The following ALG11 variants were observed in gnomAD, a reference collection of about 807,000 sequenced individuals.
The protein encoded by ALG11 is ALG11 alpha-1,2-mannosyltransferase.
In ALG11, 26 loss-of-function variants were observed where a neutral mutation model predicts 38.8. The observed-to-expected ratio is 0.67, with a 90% CI of 0.49 to 0.93. The LOEUF is 0.93. ALG11 is among the 40% of genes least tolerant of loss of function. The pLI, the probability that ALG11 is intolerant of heterozygous loss-of-function variation, is 0.00. For synonymous variants in ALG11, 199 were observed against 211.6 expected (o/e 0.94, Z 0.52); for missense variants, 535 against 578.8 (o/e 0.92, Z 0.78).
At chr13:52,020,876 T>A (rs1329317647) in intron 2 of ALG11, 1 of 152,248 alleles carries the variant, frequency 6.6e-6, no homozygotes, top group Admixed American at 6.5e-5. Flanking sequence ...ATAACCTTTT[T>A]CTCCCCAGTT....
chr13:52,033,311 A>C lies in ALG11; in HGVS notation c.*4721A>C, dbSNP rs1451934934. On this transcript the variant is annotated 3_prime_UTR_variant, in exon 4 of 4. Coordinates refer to ENST00000521508, the MANE Select transcript of ALG11 (RefSeq NM_001004127.3). Reference sequence around the variant, plus strand: ...CACAGCAGTGGAGATTTGTATTCTTATTTACAGTTGTGTACTATAAAGTGT... The same window carrying C: ...CACAGCAGTGGAGATTTGTATTCTTCTTTACAGTTGTGTACTATAAAGTGT... The C allele has an allele frequency of 6.0e-6, 1 of 166,996 alleles. No individual in the cohort carries two copies. The highest frequency in any genetic ancestry group is 1.5e-5 in the Non-Finnish European group (1 of 68,098). 10.3% of individuals were successfully genotyped at this position (166,996 alleles called of 1,614,324 possible). A position where few individuals can be genotyped will look rare whatever the true frequency, so the allele number is the denominator to read the frequency against.
At chr13:52,022,866 T>C (rs1268403177) in intron 2 of ALG11, 1 of 152,296 alleles carries the variant, frequency 6.6e-6, no homozygotes, top group African/African-American at 2.4e-5. Context: ...ACCACACATA[T>C]TGGTCAGGCT....
In ALG11 at chr13:52,012,480, T is replaced by C; in HGVS notation, c.44+18T>C. On this transcript the variant is annotated intron_variant, in intron 1 of 3. Transcript: ENST00000521508. ...TTGTTGAGGTGAGCAGCCGGTCGTG[T>C]GGGCTCACAGACGTTTTCTCTTCTG... The C allele has an allele frequency of 6.2e-7, 1 of 1,614,084 alleles. No individual in the cohort carries two copies. Among genetic ancestry groups the C allele is most frequent in the Non-Finnish European group, 8.5e-7 (1 of 1,180,042 alleles).
chr13:52,024,742 A>C lies in ALG11; in HGVS notation c.1012A>C (p.Lys338Gln). The change falls in exon 3 of 4, where the codon AAA (lysine) becomes CAA (glutamine). Residue 338 changes from lysine (K) to glutamine (Q), a missense_variant. Coordinates refer to ENST00000521508, the MANE Select transcript of ALG11 (RefSeq NM_001004127.3). Reference sequence around the variant, plus strand: ...GATGGTTGAGTCACCTCCTTCGCTTAAACTTGTCCTCATTGGAGGTTGTCG... The same window carrying C: ...GATGGTTGAGTCACCTCCTTCGCTTCAACTTGTCCTCATTGGAGGTTGTCG... ...KKMVESPPSL[K>Q]LVLIGGCRNK... 1.2e-6 allele frequency: 2 copies of C among 1,614,244 alleles called. No homozygotes were observed. Among genetic ancestry groups the C allele is most frequent in the South Asian group, 1.1e-5 (1 of 91,084 alleles).
In ALG11 at chr13:52,019,152, C is replaced by T; in HGVS notation, c.275+9C>T. The T allele has an allele frequency of 2.5e-6, 4 of 1,601,860 alleles. No individual in the cohort carries two copies. The highest frequency in any genetic ancestry group is 3.4e-6 in the Non-Finnish European group (4 of 1,169,426). On this transcript the variant is annotated intron_variant, in intron 2 of 3. Coordinates refer to ENST00000521508, the MANE Select transcript of ALG11 (RefSeq NM_001004127.3). ...AGAGCCCTGCAGAAAAAGTAGGTAT[C>T]CATCTTTCTTAGCTAATTTGCTATA...
Position 52,030,251 on chromosome 13 carries a change from C to T in ALG11, c.*1661C>T. The T allele has an allele frequency of 3.7e-6, 6 of 1,614,162 alleles. No homozygotes were observed. Among genetic ancestry groups the T allele is most frequent in the African/African-American group, 1.3e-5 (1 of 75,034 alleles). ...AAAAGCAAGTTCAGAGGGGACTGTT[C>T]CCCAGGTCCAGAGAGAGGAACCTGC... On this transcript the variant is annotated 3_prime_UTR_variant, in exon 4 of 4. Transcript: ENST00000521508.
At position 52,031,020 on chromosome 13, in the gene ALG11, A is replaced by T. The variant is rs775711132; in HGVS notation, c.*2430A>T. 3 of 1,614,074 alleles carry T rather than the reference A, an allele frequency of 1.9e-6. No individual in the cohort carries two copies. Among genetic ancestry groups the T allele is most frequent in the South Asian group, 1.1e-5 (1 of 91,092 alleles). On this transcript the variant is annotated 3_prime_UTR_variant, in exon 4 of 4. Coordinates refer to ENST00000521508, the MANE Select transcript of ALG11 (RefSeq NM_001004127.3). ...ATAAAAGCAGAGGATGTGGGCTACC[A>T]GTCTTCCTCAAGGTCAGACCTGCCT...
chr13:52,031,159 C>T lies in ALG11; in HGVS notation c.*2569C>T. 1 of 1,558,996 alleles carries T rather than the reference C, an allele frequency of 6.4e-7. No individual in the cohort carries two copies. Among genetic ancestry groups the T allele is most frequent in the Non-Finnish European group, 8.7e-7 (1 of 1,153,644 alleles). ...GGGCCCTGATTCCACTTCCTTTGGT[C>T]CAGTTTTACTCTGCTACAGGGTGGA... On this transcript the variant is annotated 3_prime_UTR_variant, in exon 4 of 4. Coordinates refer to ENST00000521508, the MANE Select transcript of ALG11 (RefSeq NM_001004127.3).
intron 2 of ALG11, among the ~76,000 whole-genome samples, chr13:52,019,502 T>G (rs1954167206): frequency 6.6e-6 from 1 of 152,196 alleles, no homozygotes; most frequent in Non-Finnish European, 1.5e-5. Flanking sequence ...ATTACAGGTG[T>G]GAGCCACCGT....
rs766878374 is a variant in ALG11 at position 52,029,736 on chromosome 13, T to C, written c.*1146T>C. ...AAATGGGCCAAGTCAAAGGCAATTA[T>C]GGCCAAATATGACCTGGAGGCTCGC... On this transcript the variant is annotated 3_prime_UTR_variant, in exon 4 of 4. Transcript: ENST00000521508. The C allele has an allele frequency of 1.1e-5, 17 of 1,614,084 alleles. No homozygotes were observed. The highest frequency in any genetic ancestry group is 1.7e-5 in the Admixed American group (1 of 60,000).
In ALG11 at chr13:52,033,060, T is replaced by G. The variant is rs1262889721; in HGVS notation, c.*4470T>G. On this transcript the variant is annotated 3_prime_UTR_variant, in exon 4 of 4. Coordinates refer to ENST00000521508, the MANE Select transcript of ALG11 (RefSeq NM_001004127.3). ...ATATTTTAAGCTTATTTCTTCAAAATTATTTTCATATATCACAGATATATC... is the reference window on the plus strand; with the variant it reads ...ATATTTTAAGCTTATTTCTTCAAAAGTATTTTCATATATCACAGATATATC... The G allele has an allele frequency of 6.0e-6, 1 of 167,140 alleles. No homozygotes were observed. The highest frequency in any genetic ancestry group is 1.9e-4 in the East Asian group (1 of 5,208). The allele number at this position is 167,140 out of a possible 1,614,324, so 10.4% of individuals were successfully genotyped here. A position where few individuals can be genotyped will look rare whatever the true frequency, so the allele number is the denominator to read the frequency against.
intron 1 of ALG11, among the ~76,000 whole-genome samples, chr13:52,018,399 G>T (rs1173613007): frequency 6.6e-6 from 1 of 152,198 alleles, no homozygotes; most frequent in South Asian, 2.1e-4. Flanking sequence ...GGAAATAGAA[G>T]TGGAGAAATC....
rs1954221633 is a variant in ALG11 at position 52,024,649 on chromosome 13, G to A, written c.919G>A (p.Gly307Ser). 1 of 1,613,808 alleles carries A rather than the reference G, an allele frequency of 6.2e-7. No individual in the cohort carries two copies. Among genetic ancestry groups the A allele is most frequent in the Admixed American group, 1.7e-5 (1 of 59,976 alleles). ...CCCAGGACATTTGCTGGTTTCTGTT[G>A]GCCAGTTTAGGCCGGAAAAGAATCA... ...MTPGHLLVSVGQFRPEKNHPL... is the reference protein window; with the variant it reads ...MTPGHLLVSVSQFRPEKNHPL... The change falls in exon 3 of 4, where the codon GGC becomes AGC. Residue 307 changes from glycine (G) to serine (S), a missense_variant. Transcript: ENST00000521508.
chr13:52,025,453 A>G (rs914736315), intron 3 of ALG11, among the ~76,000 whole-genome samples: 1 of 152,204 alleles, frequency 6.6e-6, no homozygotes, highest in African/African-American at 2.4e-5. Context: ...AGGTAGATGT[A>G]TTTTGATAAT....
At chr13:52,017,827 T>C (rs1457374452) in intron 1 of ALG11, 1 of 152,362 alleles carries the variant, frequency 6.6e-6, no homozygotes, top group Admixed American at 6.5e-5. Context: ...CCCAGTCTGC[T>C]ATTCACTACT....
At chr13:52,014,603 T>C (rs866187245) in intron 1 of ALG11, among the ~76,000 whole-genome samples, 58 of 151,936 alleles carry the variant, frequency 3.8e-4, no homozygotes, top group Admixed American at 1.6e-3. Flanking sequence ...GGCATGATCA[T>C]AGCTTACTAC....
chr13:52,030,048 A>G lies in ALG11; in HGVS notation c.*1458A>G, dbSNP rs1306286377. ...GCAGAAGAAAGACCAGTGGCAGAGG[A>G]AGAAATTTTGTTGAGAGAATTTGAG... is the stretch of plus-strand genomic sequence containing the variant. On this transcript the variant is annotated 3_prime_UTR_variant, in exon 4 of 4. Transcript: ENST00000521508. The G allele has an allele frequency of 6.2e-7, 1 of 1,614,106 alleles. No individual in the cohort carries two copies. Among genetic ancestry groups the G allele is most frequent in the Non-Finnish European group, 8.5e-7 (1 of 1,180,044 alleles).
At chr13:52,013,377 T>G (rs1030797478) in intron 1 of ALG11, among the ~76,000 whole-genome samples, 1 of 152,254 alleles carries the variant, frequency 6.6e-6, no homozygotes, top group Non-Finnish European at 1.5e-5. Context: ...AATTCTGTAA[T>G]CATTACTTTA....
At chr13:52,027,340 A>G (rs1036133910) in intron 3 of ALG11, among the ~76,000 whole-genome samples, 2 of 152,134 alleles carry the variant, frequency 1.3e-5, no homozygotes, top group African/African-American at 4.8e-5. Flanking sequence ...GCTGATAGGA[A>G]GGAGCCAGTA....
Sources: allele counts gnomAD v4.1 joint callset (sites outside exome capture counted in the v4.1 genomes callset), GRCh38; gene constraint gnomAD v4.1.1; transcripts MANE v1.5; gene names NCBI Gene and HGNC (gene_info 2026-07-23, HGNC 2026-07-21).